The following PPP1R13L variants were observed in gnomAD, a reference collection of about 807,000 sequenced individuals.
PPP1R13L encodes the protein relA-associated inhibitor.
In PPP1R13L, 50 loss-of-function variants were observed where a neutral mutation model predicts 80.9. The observed-to-expected ratio is 0.62, with a 90% CI of 0.49 to 0.78. PPP1R13L has a LOEUF of 0.78. Ranked by LOEUF, PPP1R13L falls within the 30% of genes least tolerant of loss-of-function variation. PPP1R13L has a pLI of 0.00. For missense variants in PPP1R13L, 1,200 were observed against 1,205.9 expected (o/e 1.00, Z 0.07); for synonymous variants, 602 against 534.3 (o/e 1.13, Z -1.75).
chr19:45,389,117 A>T (rs1219158089), intron 8 of PPP1R13L, among the ~76,000 whole-genome samples: 1 of 152,196 alleles, frequency 6.6e-6, no homozygotes, highest in Non-Finnish European at 1.5e-5. Flanking sequence ...AGACGGTGAC[A>T]CTAGCGTTTG....
chr19:45,384,999 G>C (rs561283939), intron 11 of PPP1R13L, among the ~76,000 whole-genome samples: 2 of 151,940 alleles, frequency 1.3e-5, no homozygotes, highest in Admixed American at 6.6e-5. Flanking sequence ...GAAGTTCCTT[G>C]CCCACACCGA....
chr19:45,396,212 G>T lies in PPP1R13L; in HGVS notation c.859C>A (p.Pro287Thr). 2 of 1,611,852 alleles carry T rather than the reference G, an allele frequency of 1.2e-6. No individual in the cohort carries two copies. The highest frequency in any genetic ancestry group is 1.7e-6 in the Non-Finnish European group (2 of 1,179,664). Reference protein sequence around the residue: ...RPASPSLQLLPWRESSLDGLG... With the variant: ...RPASPSLQLLTWRESSLDGLG... ...CCATCCAGGCTGCTCTCCCTCCAAGGCAACAGCTGCAGGCTCGGCGAGGCA... is the reference window on the plus strand; with the variant it reads ...CCATCCAGGCTGCTCTCCCTCCAAGTCAACAGCTGCAGGCTCGGCGAGGCA... Residue 287 changes from proline to threonine, a missense_variant, in exon 6 of 13, where the codon CCT (proline) becomes ACT (threonine). Pro to Thr is a conservative substitution (Grantham distance 38). Coordinates refer to ENST00000360957, the MANE Select transcript of PPP1R13L (RefSeq NM_006663.4). The surrounding 1 kb of genome is among the most constrained non-coding windows in gnomAD (Gnocchi z 5.3).
At chr19:45,381,659 G>A (rs34716818) in intron 12 of PPP1R13L, among the ~76,000 whole-genome samples, 13 of 152,118 alleles carry the variant, frequency 8.5e-5, no homozygotes, top group Admixed American at 7.2e-4. Flanking sequence ...AGCCAGGTGC[G>A]GTGGCACATG....
chr19:45,400,268 G>T (rs1325905846), intron 1 of PPP1R13L, among the ~76,000 whole-genome samples: 1 of 151,944 alleles, frequency 6.6e-6, no homozygotes, highest in Non-Finnish European at 1.5e-5. Flanking sequence ...GAGGTGGCCA[G>T]GGGTGGAGGG....
chr19:45,383,907 C>G (rs955913015), intron 11 of PPP1R13L, among the ~76,000 whole-genome samples: 3 of 151,202 alleles, frequency 2.0e-5, no homozygotes, highest in African/African-American at 2.4e-5. Context: ...GACTACAGGC[C>G]CACGCCGCTA....
rs142842464 is a variant in PPP1R13L at position 45,396,211 on chromosome 19, G to A, written c.860C>T (p.Pro287Leu). 476 of 1,611,962 alleles carry A rather than the reference G, an allele frequency of 3.0e-4. 2 individuals carry two copies. The highest frequency in any genetic ancestry group is 3.6e-4 in the Non-Finnish European group (429 of 1,179,692). Residue 287 changes from proline (P) to leucine (L), a missense_variant, in exon 6 of 13, where the codon CCT (proline) becomes CTT (leucine). By Grantham distance (98) the Pro-to-Leu change is moderately conservative. Transcript: ENST00000360957. The surrounding 1 kb of genome is among the most constrained non-coding windows in gnomAD (Gnocchi z 5.3). ...RPASPSLQLLPWRESSLDGLG... is the reference protein window; with the variant it reads ...RPASPSLQLLLWRESSLDGLG... ...TCCATCCAGGCTGCTCTCCCTCCAAGGCAACAGCTGCAGGCTCGGCGAGGC... is the reference window on the plus strand; with the variant it reads ...TCCATCCAGGCTGCTCTCCCTCCAAAGCAACAGCTGCAGGCTCGGCGAGGC...
At chr19:45,391,205 A>T (rs1972966227) in intron 8 of PPP1R13L, among the ~76,000 whole-genome samples, 2 of 152,036 alleles carry the variant, frequency 1.3e-5, no homozygotes, top group Non-Finnish European at 2.9e-5. Context: ...CTGGAAAAAA[A>T]AAAAAAATAG....
intron 8 of PPP1R13L, 54 bp downstream of exon 8, chr19:45,391,826 C>T (rs1041334758): frequency 7.4e-7 from 1 of 1,353,554 alleles, no homozygotes; most frequent in African/African-American, 1.5e-5. Context: ...CTCTTTGCTA[C>T]AGCTCCTGGA....
At chr19:45,398,214 C>T (rs755208913) in intron 2 of PPP1R13L, 50 bp downstream of exon 2, 3 of 1,613,162 alleles carry the variant, frequency 1.9e-6, no homozygotes, top group East Asian at 2.2e-5. Flanking sequence ...CACCCCTCGC[C>T]CGCTGCCGAG....
upstream of PPP1R13L, among the ~76,000 whole-genome samples, chr19:45,405,940 C>CT (rs1973343645): frequency 6.6e-6 from 1 of 152,326 alleles, no homozygotes; most frequent in Admixed American, 6.5e-5. Context: ...GATCAGGTCC[C>CT]TTCCTGAAAG....
At chr19:45,383,503 C>G (rs35349936) in intron 11 of PPP1R13L, among the ~76,000 whole-genome samples, 1 of 149,998 alleles carries the variant, frequency 6.7e-6, no homozygotes, top group Non-Finnish European at 1.5e-5. Flanking sequence ...CCATGTTGGT[C>G]AGGCTGGTAT....
intron 12 of PPP1R13L, 77 bp downstream of exon 12, chr19:45,382,445 CCTCTT>C: frequency 6.7e-7 from 1 of 1,496,032 alleles, no homozygotes; most frequent in Admixed American, 1.8e-5. Flanking sequence ...GTTCCTGTTG[CCTCTT>C]CTTTTTCCTG....
rs1973152663 is a variant in PPP1R13L, at chr19:45,398,160, G to C, written c.56-13C>G. 1.9e-6 allele frequency: 3 copies of C among 1,613,424 alleles called. No individual in the cohort carries two copies. The highest frequency in any genetic ancestry group is 1.1e-5 in the South Asian group (1 of 91,056). ...TTCATGGCCAGCGCTGGGAAGGTGG[G>C]AGTGGAGGTAAGGACCTGGCCTCCT... is the stretch of plus-strand genomic sequence containing the variant. On this transcript the variant is annotated splice_polypyrimidine_tract_variant and intron_variant, in intron 2 of 12. Transcript: ENST00000360957.
chr19:45,383,293 CT>C (rs1164667426), intron 11 of PPP1R13L, among the ~76,000 whole-genome samples: 1,203 of 62,828 alleles, frequency 0.019, 13 homozygotes, highest in African/African-American at 0.069. Context: ...CGCGCCCGGC[CT>C]TTTTTTTTTT....
rs1375031984 is a variant in PPP1R13L, at chr19:45,395,745, C to CGGGCTGCCAGCTGCGAGGCAAAGT, written c.1021_1044dup (p.Thr341_Pro348dup). 2.6e-6 allele frequency: 4 copies of CGGGCTGCCAGCTGCGAGGCAAAGT among 1,525,494 alleles called. No homozygotes were observed. The East Asian group carries it at 9.6e-5, about 37-fold the overall frequency. 94.5% of individuals were successfully genotyped at this position (1,525,494 alleles called of 1,614,324 possible). On this transcript the variant is annotated inframe_insertion, in exon 7 of 13. Coordinates refer to ENST00000360957, the MANE Select transcript of PPP1R13L (RefSeq NM_006663.4). Reference sequence around the variant, plus strand: ...GAGGGGGGCATGGGGATGCGGCTGACGGGCTGCCAGCTGCGAGGCAAAGTG... The same window carrying CGGGCTGCCAGCTGCGAGGCAAAGT: ...GAGGGGGGCATGGGGATGCGGCTGACGGGCTGCCAGCTGCGAGGCAAAGTGGGCTGCCAGCTGCGAGGCAAAGTG...
chr19:45,396,815 C>T lies in PPP1R13L; in HGVS notation c.442G>A (p.Gly148Ser). The T allele has an allele frequency of 6.9e-7, 1 of 1,442,490 alleles. No homozygotes were observed. Among genetic ancestry groups the T allele is most frequent in the Admixed American group, 2.9e-5 (1 of 34,500 alleles). 89.4% of individuals were successfully genotyped at this position (1,442,490 alleles called of 1,614,324 possible). Reference protein sequence around the residue: ...ATSPRPRAFDGAGSSLGRAPS... With the variant: ...ATSPRPRAFDSAGSSLGRAPS... ...GCACGGCCGAGGGAGCTGCCTGCGC[C>T]ATCGAAGGCGCGGGGCCGGGGCGAG... is the stretch of plus-strand genomic sequence containing the variant. The change falls in exon 4 of 13, where the codon GGC (glycine) becomes AGC (serine). Residue 148 changes from glycine to serine, a missense_variant. Gly to Ser is a moderately conservative substitution (Grantham distance 56). Around this residue, in one of 5 missense-constraint regions of PPP1R13L, gnomAD observed 764 missense variants for 714.5 expected, o/e 1.07. Coordinates refer to ENST00000360957, the MANE Select transcript of PPP1R13L (RefSeq NM_006663.4). The surrounding 1 kb of genome is among the most constrained non-coding windows in gnomAD (Gnocchi z 5.3).
chr19:45,395,242 G>C (rs1290493492), intron 7 of PPP1R13L, 194 bp downstream of exon 7: 3 of 709,450 alleles, frequency 4.2e-6, no homozygotes, highest in Non-Finnish European at 7.2e-6. Flanking sequence ...CTGGCTTCAG[G>C]GTCCACACTT....
chr19:45,395,581 C>A lies in PPP1R13L; in HGVS notation c.1209G>T (p.Pro403=). ...GTTGTGGTTGGGGCTGCAGCTTAGG[C>A]GGGGGTGCTCGGGTGAAGAGGGGGG... ...PGSPLFTRAP[P]PKLQPQPQPQ... Residue 403 remains proline, a synonymous_variant, in exon 7 of 13, where the codon CCG becomes CCT. Transcript: ENST00000360957. 6.9e-7 allele frequency: 1 copy of A among 1,445,288 alleles called. No individual in the cohort carries two copies. The highest frequency in any genetic ancestry group is 1.4e-5 in the South Asian group (1 of 70,082). The allele number at this position is 1,445,288 out of a possible 1,614,324, so 89.5% of individuals were successfully genotyped here. A position where few individuals can be genotyped will look rare whatever the true frequency, so the allele number is the denominator to read the frequency against.
intron 11 of PPP1R13L, among the ~76,000 whole-genome samples, chr19:45,384,036 G>T (rs1012625687): frequency 1.3e-5 from 2 of 151,560 alleles, no homozygotes; most frequent in African/African-American, 4.8e-5. Flanking sequence ...AAAGTGCTAG[G>T]ATTACAGGCA....
Sources: allele counts gnomAD v4.1 joint callset (sites outside exome capture counted in the v4.1 genomes callset), GRCh38; gene constraint gnomAD v4.1.1; regional missense constraint gnomAD v4.1.1; non-coding constraint Gnocchi (gnomAD v3.1); transcripts MANE v1.5; gene names NCBI Gene and HGNC (gene_info 2026-07-23, HGNC 2026-07-21).